The following ZNF273 variants were observed in gnomAD, a reference collection of about 807,000 sequenced individuals.
The protein encoded by ZNF273 is zinc finger protein 9.
ZNF273 carries 11 observed loss-of-function variants against 14.9 expected under a neutral mutation model. The observed-to-expected ratio is 0.74, with a 90% CI of 0.46 to 1.22. ZNF273 has a LOEUF of 1.22. ZNF273 is among the 50% of genes most tolerant of loss of function. ZNF273 has a pLI of 0.00. For missense variants in ZNF273, 577 were observed against 660.6 expected, an observed-to-expected ratio of 0.87 and a Z score of 1.39; for synonymous variants, 199 against 223.9, an observed-to-expected ratio of 0.89 and a Z score of 0.99.
At chr7:64,933,103 C>T (rs979181316), downstream of ZNF273, among the ~76,000 whole-genome samples, 2 of 152,114 alleles carry the variant, frequency 1.3e-5, no homozygotes, top group Non-Finnish European at 2.9e-5. Flanking sequence ...TCCTGAGTAG[C>T]TAGGATTACA....
At chr7:64,925,652 T>C (rs1233677874) in intron 3 of ZNF273, among the ~76,000 whole-genome samples, 1 of 151,966 alleles carries the variant, frequency 6.6e-6, no homozygotes, top group South Asian at 2.1e-4. Flanking sequence ...GTTGGCCAGG[T>C]TGGTCTCGAA....
rs577285058 is a variant in ZNF273 at position 64,920,999 on chromosome 7, CTACA to C, written c.325+2710_325+2713del. Among the ~76,000 whole-genome samples the C allele has an allele frequency of 3.0e-4, 46 of 152,134 alleles. 1 individual carries two copies. In the South Asian group the frequency reaches 7.3e-3, roughly 24 times the overall value. ...TTGCATCTTACTGATGTCACTCTCC[CTACA>C]TAGTTTTACTTTCTATTTGCTAGTT... On this transcript the variant is annotated intron_variant, in intron 3 of 3. Transcript: ENST00000476120.
downstream of ZNF273, chr7:64,889,765 G>C (rs1009380798): frequency 8.0e-5 from 79 of 985,790 alleles, no homozygotes; most frequent in Non-Finnish European, 9.0e-5. This position sits in a 1 kb window ranked among gnomAD's most constrained non-coding sequence, Gnocchi z 4.2. Context: ...CGGGGCTCCA[G>C]GAGTCCCGAG....
chr7:64,914,262 C>G (rs1793792855), intron 1 of ZNF273, among the ~76,000 whole-genome samples: 1 of 140,460 alleles, frequency 7.1e-6, no homozygotes, highest in Non-Finnish European at 1.5e-5. Flanking sequence ...GTCTTGAACT[C>G]CTGACCTCAG....
chr7:64,909,009 A>G (rs987345506), intron 1 of ZNF273, among the ~76,000 whole-genome samples: 3 of 152,064 alleles, frequency 2.0e-5, no homozygotes, highest in Non-Finnish European at 2.9e-5. Flanking sequence ...TCCTGGGCTT[A>G]AGCAATCCTC....
At chr7:64,903,097 T>G, upstream of ZNF273, 7 of 424,800 alleles carry the variant, frequency 1.6e-5, no homozygotes, top group Middle Eastern at 7.1e-4. Flanking sequence ...AAGCCTGCAG[T>G]TTAGGTTTCA....
Position 64,928,892 on chromosome 7 carries a change from G to C in ZNF273, c.1564G>C (p.Ala522Pro), listed in dbSNP as rs748085397. The change falls in exon 4 of 4, where the codon GCT becomes CCT. Residue 522 changes from alanine to proline, a missense_variant. Ala to Pro is a conservative substitution (Grantham distance 27, BLOSUM62 -1). Coordinates refer to ENST00000476120, the MANE Select transcript of ZNF273 (RefSeq NM_021148.3). ...KPYKCEECGK[A>P]FNRSSNLTRH... ...CTACAAATGTGAAGAATGTGGCAAA[G>C]CTTTTAACCGGTCCTCAAACCTTAC... 3 of 1,614,006 alleles carry C rather than the reference G, an allele frequency of 1.9e-6. No individual in the cohort carries two copies. In the Admixed American group the frequency reaches 5.0e-5, roughly 27 times the overall value.
intron 3 of ZNF273, among the ~76,000 whole-genome samples, chr7:64,895,479 T>C (rs1034114614): frequency 5.9e-5 from 9 of 152,228 alleles, no homozygotes; most frequent in African/African-American, 2.2e-4. Context: ...TCACTAACAG[T>C]GTGCCTGTAT....
At chr7:64,915,653 G>A (rs569518286) in intron 1 of ZNF273, among the ~76,000 whole-genome samples, 4 of 152,176 alleles carry the variant, frequency 2.6e-5, no homozygotes, top group Admixed American at 6.5e-5. Context: ...ACCTTCCAGC[G>A]TGGGCGTCAT....
chr7:64,931,555 C>G (rs1794993710), downstream of ZNF273, among the ~76,000 whole-genome samples: 1 of 151,798 alleles, frequency 6.6e-6, no homozygotes, highest in South Asian at 2.1e-4. Flanking sequence ...AAAACATTGC[C>G]CTTTGTTCTT....
exon 2 of ZNF273, chr7:64,888,686 G>A: frequency 1.0e-6 from 1 of 985,762 alleles, no homozygotes; most frequent in Non-Finnish European, 1.2e-6. Flanking sequence ...AAAGTCTTCG[G>A]GGTGAGAGGT....
In ZNF273 at chr7:64,903,338, T is replaced by C; in HGVS notation, c.21T>C (p.Gly7=). The change falls in exon 1 of 4, where the codon GGT becomes GGC. Residue 7 remains glycine (G), a synonymous_variant. Coordinates refer to ENST00000476120, the MANE Select transcript of ZNF273 (RefSeq NM_021148.3). ...GCTCTATGTCCTCTGCTCCTAGAGG[T>C]CCACCTTCTGTGGCCCCGTTACCTG... MSSAPR[G]PPSVAPLPAG... is the part of the protein sequence containing the mutation. 6.2e-7 allele frequency: 1 copy of C among 1,613,022 alleles called. No homozygotes were observed. Among genetic ancestry groups the C allele is most frequent in the African/African-American group, 1.3e-5 (1 of 74,966 alleles).
At chr7:64,901,813 G>T (rs1966140), upstream of ZNF273, among the ~76,000 whole-genome samples, 1 of 151,610 alleles carries the variant, frequency 6.6e-6, no homozygotes. Flanking sequence ...AGCCGGGCAC[G>T]ATGGCACATG....
intron 3 of ZNF273, among the ~76,000 whole-genome samples, chr7:64,895,825 C>G (rs1792332879): frequency 6.6e-6 from 1 of 152,046 alleles, no homozygotes; most frequent in African/African-American, 2.4e-5. Context: ...TCTGCTATTA[C>G]CCAAGAAATC....
At chr7:64,916,031 AC>A (rs1327193555) in intron 1 of ZNF273, among the ~76,000 whole-genome samples, 1 of 151,978 alleles carries the variant, frequency 6.6e-6, no homozygotes, top group African/African-American at 2.4e-5. Flanking sequence ...CCTCGTCTAT[AC>A]TAAAAATACA....
At chr7:64,910,933 T>C (rs1793467615) in intron 1 of ZNF273, among the ~76,000 whole-genome samples, 2 of 151,394 alleles carry the variant, frequency 1.3e-5, no homozygotes, top group Non-Finnish European at 2.9e-5. Context: ...GCCTGGCTAA[T>C]TTTTCTATTT....
chr7:64,881,257 G>C (rs972363917), downstream of ZNF273, among the ~76,000 whole-genome samples: 1 of 152,156 alleles, frequency 6.6e-6, no homozygotes, highest in Non-Finnish European at 1.5e-5. Flanking sequence ...GGTGGGATGT[G>C]GCCGGCACAC....
chr7:64,929,133 T>TAA lies in ZNF273; in HGVS notation c.*95_*96insAA, dbSNP rs1160923016. On this transcript the variant is annotated 3_prime_UTR_variant, in exon 4 of 4. Coordinates refer to ENST00000476120, the MANE Select transcript of ZNF273 (RefSeq NM_021148.3). Reference sequence around the variant, plus strand: ...GGAGAAAACTCCCAGAAGTGGAGTTTTCCTTATTGCACAGGAAAGCATTTA... The same window carrying TAA: ...GGAGAAAACTCCCAGAAGTGGAGTTTAATCCTTATTGCACAGGAAAGCATTTA... 50 of 789,164 alleles carry TAA rather than the reference T, an allele frequency of 6.3e-5. No individual in the cohort carries two copies. The highest frequency in any genetic ancestry group is 9.7e-5 in the South Asian group (3 of 30,830). 48.9% of individuals were successfully genotyped at this position (789,164 alleles called of 1,614,324 possible). A position where few individuals can be genotyped will look rare whatever the true frequency, so the allele number is the denominator to read the frequency against.
intron 1 of ZNF273, 43 bp downstream of exon 1, chr7:64,903,462 T>C (rs372664038): frequency 3.4e-4 from 522 of 1,550,564 alleles, no homozygotes; most frequent in Non-Finnish European, 4.2e-4. Context: ...GGGGAGGGCC[T>C]GGTTGGAACT....
Sources: allele counts gnomAD v4.1 joint callset (sites outside exome capture counted in the v4.1 genomes callset), GRCh38; gene constraint gnomAD v4.1.1; non-coding constraint Gnocchi (gnomAD v3.1); transcripts MANE v1.5; gene names NCBI Gene and HGNC (gene_info 2026-07-23, HGNC 2026-07-21).